SUMF1: variants seen among roughly 807,000 people sequenced by gnomAD.
SUMF1 encodes formylglycine-generating enzyme.
A neutral mutation model predicts 47.6 loss-of-function variants in SUMF1; 48 were observed. The observed-to-expected ratio is 1.01, with a 90% CI of 0.80 to 1.28. The LOEUF is 1.28. SUMF1 is among the 50% of genes most tolerant of loss of function. The pLI is 0.00. For synonymous variants in SUMF1, 230 were observed against 192.1 expected, an observed-to-expected ratio of 1.20 and a Z score of -1.63; for missense variants, 571 against 485.4, an observed-to-expected ratio of 1.18 and a Z score of -1.66.
chr3:4,382,451 G>A (rs1479841305), intron 7 of SUMF1, among the ~76,000 whole-genome samples: 3 of 151,942 alleles, frequency 2.0e-5, no homozygotes, highest in South Asian at 4.1e-4. Context: ...ATGATTCCAC[G>A]AAGATGCAAT....
chr3:4,100,388 C>A (rs572649207), intron 8 of SUMF1, among the ~76,000 whole-genome samples: 6 of 151,954 alleles, frequency 3.9e-5, no homozygotes, highest in Non-Finnish European at 5.9e-5. Context: ...TAAACCCACA[C>A]GTCTACAGTC....
rs1699756635 is a variant in SUMF1, at chr3:4,361,545, G to A, written c.*599C>T. Reference sequence around the variant, plus strand: ...ACACTGATTTCCTTGGAAAAACAAAGTGCAGTACGAATATAAAGGAGTCAC... The same window carrying A: ...ACACTGATTTCCTTGGAAAAACAAAATGCAGTACGAATATAAAGGAGTCAC... On this transcript the variant is annotated 3_prime_UTR_variant, in exon 9 of 9. Transcript: ENST00000272902. 1 of 156,734 alleles carries A rather than the reference G, an allele frequency of 6.4e-6. No homozygotes were observed. The highest frequency in any genetic ancestry group is 2.0e-4 in the South Asian group (1 of 5,124). 9.7% of individuals were successfully genotyped at this position (156,734 alleles called of 1,614,324 possible). A position where few individuals can be genotyped will look rare whatever the true frequency, so the allele number is the denominator to read the frequency against.
chr3:4,144,480 TAGG>T (rs1694148156), intron 8 of SUMF1, among the ~76,000 whole-genome samples: 1 of 152,118 alleles, frequency 6.6e-6, no homozygotes, highest in African/African-American at 2.4e-5. Context: ...ATTCTGGATC[TAGG>T]AGAAGACAAA....
At chr3:4,109,635 T>C (rs1365901598) in intron 8 of SUMF1, among the ~76,000 whole-genome samples, 2 of 152,100 alleles carry the variant, frequency 1.3e-5, no homozygotes, top group African/African-American at 4.8e-5. Flanking sequence ...TTTTTATTCT[T>C]TTTTCTCTAA....
intron 8 of SUMF1, among the ~76,000 whole-genome samples, chr3:4,318,960 A>G (rs1305104804): frequency 6.6e-6 from 1 of 152,186 alleles, no homozygotes; most frequent in Non-Finnish European, 1.5e-5. Context: ...CAATTTAAAC[A>G]TGGGCAAAAG....
At chr3:4,142,585 G>C (rs1304773359) in intron 8 of SUMF1, among the ~76,000 whole-genome samples, 1 of 152,090 alleles carries the variant, frequency 6.6e-6, no homozygotes, top group African/African-American at 2.4e-5. Flanking sequence ...AACACAAACA[G>C]TTTTCTGCTT....
intron 3 of SUMF1, among the ~76,000 whole-genome samples, chr3:4,421,411 A>G (rs1013668296): frequency 2.1e-4 from 32 of 152,204 alleles, no homozygotes; most frequent in African/African-American, 7.7e-4. Flanking sequence ...CTATGGCCCC[A>G]TGACACTCAG....
At chr3:4,367,317 C>T (rs530783249) in intron 8 of SUMF1, among the ~76,000 whole-genome samples, 2 of 152,264 alleles carry the variant, frequency 1.3e-5, no homozygotes, top group East Asian at 1.9e-4. Flanking sequence ...GTGCCCTGCC[C>T]CCAGAGGTGG....
At chr3:4,401,009 C>T (rs1032771763) in intron 7 of SUMF1, among the ~76,000 whole-genome samples, 6 of 141,578 alleles carry the variant, frequency 4.2e-5, no homozygotes, top group Admixed American at 7.3e-5. Context: ...GTTCCTCACC[C>T]GGTGTCCAAG....
chr3:4,099,895 G>A (rs1692992619), intron 8 of SUMF1, among the ~76,000 whole-genome samples: 1 of 150,636 alleles, frequency 6.6e-6, no homozygotes. Context: ...ATTAAACTAA[G>A]GAAAAAAAAG....
At chr3:4,280,781 G>A (rs1697511196) in intron 8 of SUMF1, among the ~76,000 whole-genome samples, 1 of 147,778 alleles carries the variant, frequency 6.8e-6, no homozygotes, top group Non-Finnish European at 1.5e-5. Context: ...TTGGATTATG[G>A]CAGTATAACT....
intron 8 of SUMF1, among the ~76,000 whole-genome samples, chr3:4,096,802 C>G (rs915958493): frequency 6.6e-6 from 1 of 152,024 alleles, no homozygotes; most frequent in Admixed American, 6.6e-5. Context: ...TGGGCTGGGT[C>G]GGAACCAGGG....
chr3:4,165,855 G>C (rs1694688744), intron 8 of SUMF1, among the ~76,000 whole-genome samples: 1 of 72,436 alleles, frequency 1.4e-5, no homozygotes, highest in Non-Finnish European at 2.7e-5. Context: ...GTTTTGATTT[G>C]TTTGTTTCCC....
At chr3:4,348,748 G>T (rs1282228237) in intron 8 of SUMF1, among the ~76,000 whole-genome samples, 3 of 151,970 alleles carry the variant, frequency 2.0e-5, no homozygotes, top group African/African-American at 7.2e-5. Context: ...GGTGGCACAT[G>T]CCTGTAATCC....
chr3:4,405,198 G>A (rs1701337039), intron 7 of SUMF1, among the ~76,000 whole-genome samples: 1 of 152,132 alleles, frequency 6.6e-6, no homozygotes, highest in South Asian at 2.1e-4. Flanking sequence ...TCTGAGTGGG[G>A]TCAACAAGTG....
At chr3:4,428,006 T>G (rs909270990) in intron 3 of SUMF1, among the ~76,000 whole-genome samples, 1 of 152,214 alleles carries the variant, frequency 6.6e-6, no homozygotes, top group Non-Finnish European at 1.5e-5. Context: ...AAAACAATTT[T>G]TACTCATTTT....
At chr3:4,151,554 TATAC>T (rs776219981) in intron 8 of SUMF1, among the ~76,000 whole-genome samples, 5 of 98,256 alleles carry the variant, frequency 5.1e-5, no homozygotes, top group Admixed American at 2.6e-4. Context: ...TGTGTGTGTA[TATAC>T]ACACACACAC....
intron 7 of SUMF1, among the ~76,000 whole-genome samples, chr3:4,384,826 T>C (rs1018647320): frequency 1.3e-5 from 2 of 152,206 alleles, no homozygotes; most frequent in Non-Finnish European, 2.9e-5. Context: ...TTCATCCCTT[T>C]GGAATCAATG....
In SUMF1 at chr3:4,365,955, T is replaced by A. The variant is rs189740872; in HGVS notation, c.1015-3701A>T. ...AGCATTTGCTTGTCTGTAAAGTATC[T>A]TATTTCTCCTTCACTTATGAAGCTT... On this transcript the variant is annotated intron_variant, in intron 8 of 8. Coordinates refer to ENST00000272902, the MANE Select transcript of SUMF1 (RefSeq NM_182760.4). 1.0e-3 allele frequency among the ~76,000 whole-genome samples: 158 copies of A among 152,286 alleles called. 5 individuals are homozygous for A. The East Asian group carries it at 0.026, about 25-fold the overall frequency.
Sources: allele counts gnomAD v4.1 joint callset (sites outside exome capture counted in the v4.1 genomes callset), GRCh38; gene constraint gnomAD v4.1.1; transcripts MANE v1.5; gene names NCBI Gene and HGNC (gene_info 2026-07-23, HGNC 2026-07-21).